Variants in SLC2A13 observed in about 807,000 individuals in gnomAD.
SLC2A13 encodes the protein solute carrier family 2 member 13.
A neutral mutation model predicts 64.4 loss-of-function variants in SLC2A13; 32 were observed. That is an observed-to-expected ratio of 0.50 (90% CI 0.37 to 0.67). The LOEUF is 0.67. SLC2A13 is among the 30% of genes least tolerant of loss of function. The pLI is 0.00. For synonymous variants in SLC2A13, 338 were observed against 327.1 expected, an observed-to-expected ratio of 1.03 and a Z score of -0.36; for missense variants, 743 against 829.2, an observed-to-expected ratio of 0.90 and a Z score of 1.28.
At chr12:39,843,206 C>G (rs1943220941) in intron 6 of SLC2A13, among the ~76,000 whole-genome samples, 1 of 151,962 alleles carries the variant, frequency 6.6e-6, no homozygotes. Context: ...AACTGACAGA[C>G]TCGTTTGTGC....
intron 1 of SLC2A13, among the ~76,000 whole-genome samples, chr12:40,075,411 T>G (rs1402944419): frequency 6.6e-6 from 1 of 152,160 alleles, no homozygotes; most frequent in East Asian, 1.9e-4. Flanking sequence ...GTTTTGGGGG[T>G]AGTGGTTTGT....
intron 3 of SLC2A13, among the ~76,000 whole-genome samples, chr12:39,983,020 G>A (rs953077869): frequency 2.0e-5 from 3 of 147,000 alleles, no homozygotes; most frequent in Non-Finnish European, 3.0e-5. Flanking sequence ...CAGAAATAAC[G>A]CCGCATACCT....
rs1272859154 is a variant in SLC2A13 at position 40,053,647 on chromosome 12, G to C, written c.557-5437C>G. On this transcript the variant is annotated intron_variant, in intron 1 of 9. Coordinates refer to ENST00000280871, the MANE Select transcript of SLC2A13 (RefSeq NM_052885.4). ...TACTGCCACCAGACATCATGTTAAAGAGCTTGGAACAATTAGTAAGAAAAA... is the reference window on the plus strand; with the variant it reads ...TACTGCCACCAGACATCATGTTAAACAGCTTGGAACAATTAGTAAGAAAAA... Among the ~76,000 whole-genome samples, 5 of 152,150 alleles carry C rather than the reference G, an allele frequency of 3.3e-5. No homozygotes were observed. The East Asian group carries it at 7.7e-4, about 23-fold the overall frequency.
At chr12:40,082,939 A>G (rs1050972266) in intron 1 of SLC2A13, among the ~76,000 whole-genome samples, 4 of 151,912 alleles carry the variant, frequency 2.6e-5, no homozygotes, top group African/African-American at 7.3e-5. Context: ...CGGGGTCTGT[A>G]TCCTTCTTCT....
At chr12:40,082,766 T>C (rs1022449952) in intron 1 of SLC2A13, among the ~76,000 whole-genome samples, 3 of 152,156 alleles carry the variant, frequency 2.0e-5, no homozygotes, top group Non-Finnish European at 2.9e-5. Flanking sequence ...CAAATATCCA[T>C]AGGGGTTATG....
chr12:39,854,609 C>CTCCAA (rs1943557165), intron 6 of SLC2A13, among the ~76,000 whole-genome samples: 1 of 152,176 alleles, frequency 6.6e-6, no homozygotes, highest in Non-Finnish European at 1.5e-5. Flanking sequence ...ACTCTTCTCC[C>CTCCAA]TCCAATCTAT....
At chr12:39,984,325 A>G (rs1458632344) in intron 3 of SLC2A13, among the ~76,000 whole-genome samples, 2 of 152,122 alleles carry the variant, frequency 1.3e-5, no homozygotes, top group African/African-American at 2.4e-5. Context: ...AACTTAAAGT[A>G]TAATAAAAAA....
chr12:39,806,250 C>T (rs928459939), intron 7 of SLC2A13, among the ~76,000 whole-genome samples: 2 of 152,114 alleles, frequency 1.3e-5, no homozygotes, highest in African/African-American at 4.8e-5. Context: ...AAGATCAGAA[C>T]AAAAATTCTA....
intron 7 of SLC2A13, among the ~76,000 whole-genome samples, chr12:39,782,588 A>G (rs1336573319): frequency 6.6e-6 from 1 of 152,164 alleles, no homozygotes; most frequent in Non-Finnish European, 1.5e-5. Context: ...AAAATGGACT[A>G]ATACAGTAAA....
intron 4 of SLC2A13, among the ~76,000 whole-genome samples, chr12:39,900,857 C>T (rs1469472510): frequency 6.6e-6 from 1 of 152,104 alleles, no homozygotes; most frequent in Non-Finnish European, 1.5e-5. Context: ...TCATATGCAA[C>T]CAAAAAAGAT....
intron 4 of SLC2A13, among the ~76,000 whole-genome samples, chr12:39,915,421 A>C (rs969017722): frequency 6.6e-6 from 1 of 152,030 alleles, no homozygotes; most frequent in African/African-American, 2.4e-5. Context: ...ATGATGGTGC[A>C]TAAAACAGCC....
chr12:39,915,904 T>A (rs560459104), intron 4 of SLC2A13, among the ~76,000 whole-genome samples: 1 of 151,928 alleles, frequency 6.6e-6, no homozygotes, highest in African/African-American at 2.4e-5. Context: ...TACAGCATAA[T>A]TTCTACAAAA....
At chr12:39,888,802 A>G (rs1199397799) in intron 4 of SLC2A13, among the ~76,000 whole-genome samples, 2 of 151,122 alleles carry the variant, frequency 1.3e-5, no homozygotes, top group African/African-American at 2.5e-5. Context: ...TTATAATATT[A>G]TATTAATAAC....
At chr12:40,044,234 C>T (rs536162777) in intron 2 of SLC2A13, among the ~76,000 whole-genome samples, 1 of 152,100 alleles carries the variant, frequency 6.6e-6, no homozygotes, top group South Asian at 2.1e-4. Flanking sequence ...TAAAGAACCA[C>T]ATATTCATAT....
At chr12:40,067,213 AT>A (rs1380107741) in intron 1 of SLC2A13, among the ~76,000 whole-genome samples, 1 of 152,036 alleles carries the variant, frequency 6.6e-6, no homozygotes, top group Non-Finnish European at 1.5e-5. Context: ...TTATTTATTT[AT>A]TTTTAAGCAA....
intron 7 of SLC2A13, among the ~76,000 whole-genome samples, chr12:39,783,944 G>C (rs1941091197): frequency 6.6e-6 from 1 of 152,136 alleles, no homozygotes; most frequent in Admixed American, 6.5e-5. Context: ...GACAAACAGA[G>C]AGCCAAATCA....
At chr12:39,906,874 G>A (rs1013761495) in intron 4 of SLC2A13, among the ~76,000 whole-genome samples, 2 of 151,998 alleles carry the variant, frequency 1.3e-5, no homozygotes, top group Non-Finnish European at 2.9e-5. Flanking sequence ...ACAATTATGA[G>A]GGAAGATAAA....
intron 3 of SLC2A13, among the ~76,000 whole-genome samples, chr12:40,000,527 CCA>C (rs1947305963): frequency 1.3e-5 from 2 of 152,160 alleles, no homozygotes; most frequent in South Asian, 4.1e-4. Flanking sequence ...TAGCAAAGTA[CCA>C]CAGACTGGGT....
intron 9 of SLC2A13, among the ~76,000 whole-genome samples, chr12:39,761,596 G>A (rs1158321397): frequency 6.8e-6 from 1 of 146,392 alleles, no homozygotes; most frequent in African/African-American, 2.5e-5. Flanking sequence ...GGGTGATACT[G>A]ATAAGCTAGC....
Sources: gnomAD v4.1 joint callset for allele counts (sites outside exome capture counted in the v4.1 genomes callset) on GRCh38, gnomAD v4.1.1 for gene constraint, MANE v1.5 for transcripts, NCBI Gene and HGNC (gene_info 2026-07-23, HGNC 2026-07-21) for gene names.